PI4KA: variants seen among roughly 807,000 people sequenced by gnomAD.
PI4KA encodes the protein PI4-kinase alpha.
In PI4KA, 122 loss-of-function variants were observed where a neutral mutation model predicts 271.4. The ratio of observed to expected loss-of-function variants is 0.45; its 90% CI spans 0.39 to 0.52. PI4KA has a LOEUF of 0.52. Among genes scored for constraint, PI4KA ranks in the 20% least tolerant of loss-of-function variants. The probability of loss-of-function intolerance (pLI) is 0.00; values close to 1 mark genes in which losing one functional copy is unlikely to be tolerated. For missense variants in PI4KA, 1,969 were observed against 2,769.1 expected (o/e 0.71, Z 6.48); for synonymous variants, 1,041 against 1,078.8 (o/e 0.96, Z 0.69).
intron 25 of PI4KA, among the ~76,000 whole-genome samples, chr22:20,752,038 C>T (rs1265269782): frequency 1.3e-5 from 2 of 152,220 alleles, no homozygotes; most frequent in East Asian, 1.9e-4. Flanking sequence ...CAGGACACCC[C>T]TCACTTTCCA....
intron 3 of PI4KA, among the ~76,000 whole-genome samples, chr22:20,826,821 T>C (rs1923482644): frequency 6.6e-6 from 1 of 152,236 alleles, no homozygotes; most frequent in Non-Finnish European, 1.5e-5. Context: ...GATGAGCATA[T>C]TTTTCATATA....
intron 11 of PI4KA, among the ~76,000 whole-genome samples, 183 bp from the exon 12 acceptor site, chr22:20,804,583 C>T (rs567573226): frequency 1.3e-5 from 2 of 152,304 alleles, no homozygotes; most frequent in East Asian, 1.9e-4. Context: ...TGGCCCTAAG[C>T]CCCCTTGTCC....
At position 20,733,724 on chromosome 22, in the gene PI4KA, T is replaced by C. The variant is rs750437185; in HGVS notation, c.4160+12A>G. On this transcript the variant is annotated intron_variant, in intron 35 of 54. Coordinates refer to ENST00000255882, the MANE Select transcript of PI4KA (RefSeq NM_058004.4). ...GTCCCTGGACGCTGCACAGCACATC[T>C]TGGGGGAGTACCTGAAGTAGTCAAA... is the stretch of plus-strand genomic sequence containing the variant. The C allele has an allele frequency of 2.5e-6, 4 of 1,613,842 alleles. No homozygotes were observed. Among genetic ancestry groups the C allele is most frequent in the South Asian group, 2.2e-5 (2 of 91,066 alleles).
At position 20,720,005 on chromosome 22, in the gene PI4KA, G is replaced by A. The variant is rs1454136105; in HGVS notation, c.5117-1183C>T. ...CGTGCCACTGCACTCCAGCCTGGGC[G>A]ACTAATCAAGACTCTGTCTCAAAAA... is the stretch of plus-strand genomic sequence containing the variant. On this transcript the variant is annotated intron_variant, in intron 43 of 54. Coordinates refer to ENST00000255882, the MANE Select transcript of PI4KA (RefSeq NM_058004.4). Among the ~76,000 whole-genome samples, 14 of 128,184 alleles carry A rather than the reference G, an allele frequency of 1.1e-4. No individual in the cohort carries two copies. In the East Asian group the frequency reaches 1.8e-3, roughly 17 times the overall value. The allele number at this position is 128,184 out of a possible 152,430, so 84.1% of individuals were successfully genotyped here.
intron 14 of PI4KA, among the ~76,000 whole-genome samples, chr22:20,800,178 T>C (rs1014085414): frequency 1.3e-5 from 2 of 152,088 alleles, no homozygotes; most frequent in East Asian, 1.9e-4. Context: ...AGGGGAAAAA[T>C]TTAAAGCCCC....
chr22:20,784,802 GC>G (rs1339692572), intron 19 of PI4KA, among the ~76,000 whole-genome samples: 1 of 152,166 alleles, frequency 6.6e-6, no homozygotes, highest in Non-Finnish European at 1.5e-5. Context: ...TTGGGTCATG[GC>G]AGAAAGAATG....
In PI4KA at chr22:20,711,474, C is replaced by T. The variant is rs750175946; in HGVS notation, c.5803-13G>A. ...AGTTGTAGCGGGCCTGTGCAGAGAG[C>T]GCCCTGGGCTCAAAAAGGCCCTGGG... On this transcript the variant is annotated splice_polypyrimidine_tract_variant and intron_variant, in intron 50 of 54. Coordinates refer to ENST00000255882, the MANE Select transcript of PI4KA (RefSeq NM_058004.4). The T allele has an allele frequency of 6.7e-6, 9 of 1,353,158 alleles. No individual in the cohort carries two copies. The highest frequency in any genetic ancestry group is 7.2e-6 in the Non-Finnish European group (7 of 971,552). 83.8% of individuals were successfully genotyped at this position (1,353,158 alleles called of 1,614,324 possible).
chr22:20,791,245 T>C (rs1394193934), intron 19 of PI4KA, among the ~76,000 whole-genome samples: 1 of 152,244 alleles, frequency 6.6e-6, no homozygotes, highest in Non-Finnish European at 1.5e-5. Context: ...TCAAAGATCC[T>C]GGAACTCACT....
At chr22:20,782,727 C>G (rs1933894252) in intron 19 of PI4KA, among the ~76,000 whole-genome samples, 1 of 152,172 alleles carries the variant, frequency 6.6e-6, no homozygotes, top group Non-Finnish European at 1.5e-5. Context: ...TTACTGGTAT[C>G]TAGAAGGGGG....
chr22:20,748,236 C>T (rs1017722718), intron 28 of PI4KA, among the ~76,000 whole-genome samples: 9 of 152,376 alleles, frequency 5.9e-5, no homozygotes, highest in Admixed American at 5.9e-4. Context: ...CATGCAGTCA[C>T]TGCGGTGTTG....
chr22:20,786,593 A>T (rs982506148), intron 19 of PI4KA, among the ~76,000 whole-genome samples: 1 of 152,216 alleles, frequency 6.6e-6, no homozygotes, highest in African/African-American at 2.4e-5. Context: ...AGTGCGCAGC[A>T]GTGTGGGGAG....
At chr22:20,825,800 G>A (rs776290920) in intron 3 of PI4KA, among the ~76,000 whole-genome samples, 8 of 152,044 alleles carry the variant, frequency 5.3e-5, no homozygotes, top group Non-Finnish European at 8.8e-5. Context: ...GCATGTTACG[G>A]GGGTTTGGTG....
chr22:20,763,715 C>T (rs1025911384), intron 22 of PI4KA, among the ~76,000 whole-genome samples: 1 of 152,200 alleles, frequency 6.6e-6, no homozygotes, highest in Non-Finnish European at 1.5e-5. Context: ...GCTGGGGTTA[C>T]AGGTGTGAGC....
chr22:20,759,342 C>A (rs1051755245), intron 23 of PI4KA, among the ~76,000 whole-genome samples: 9 of 151,850 alleles, frequency 5.9e-5, no homozygotes, highest in Admixed American at 5.9e-4. Flanking sequence ...CTGCACCTGG[C>A]CTGGGGTGAT....
At chr22:20,717,061 C>T (rs1267374482) in intron 45 of PI4KA, among the ~76,000 whole-genome samples, 10 of 152,096 alleles carry the variant, frequency 6.6e-5, no homozygotes, top group Admixed American at 2.0e-4. Context: ...CTGGCTAACA[C>T]GGTGAAACTC....
rs1454411590 is a variant in PI4KA at position 20,769,109 on chromosome 22, T to C, written c.2329-3416A>G. On this transcript the variant is annotated intron_variant, in intron 19 of 54. Transcript: ENST00000255882. ...TATGGAAAGGGTTGCGCTTCTAGAA[T>C]GCTTCCCTCTCAATGAGAACAGTAG... is the stretch of plus-strand genomic sequence containing the variant. 2.0e-5 allele frequency among the ~76,000 whole-genome samples: 3 copies of C among 152,212 alleles called. 1 individual carries two copies. Among genetic ancestry groups the C allele is most frequent in the Non-Finnish European group, 4.4e-5 (3 of 68,028 alleles).
At position 20,730,019 on chromosome 22, in the gene PI4KA, C is replaced by T. The variant is rs772347288; in HGVS notation, c.4289-8G>A. 21 of 1,613,702 alleles carry T rather than the reference C, an allele frequency of 1.3e-5. No homozygotes were observed. Among genetic ancestry groups the T allele is most frequent in the Admixed American group, 3.3e-5 (2 of 59,946 alleles). On this transcript the variant is annotated splice_region_variant and splice_polypyrimidine_tract_variant and intron_variant, in intron 36 of 54. Coordinates refer to ENST00000255882, the MANE Select transcript of PI4KA (RefSeq NM_058004.4). ...TCCGGGTGTCCTGATTATCTGAGGG[C>T]AAACACATTGTTGATTCTAGAGTGA...
intron 42 of PI4KA, among the ~76,000 whole-genome samples, chr22:20,723,424 G>T (rs1926978529): frequency 6.6e-6 from 1 of 152,092 alleles, no homozygotes. Context: ...CAGGCTGGGT[G>T]TGGTGGCACA....
At position 20,825,069 on chromosome 22, in the gene PI4KA, C is replaced by CAAAA. The variant is rs362248; in HGVS notation, c.368-659_368-656dup. Reference sequence around the variant, plus strand: ...TGGGTGACAGAATGAGACGCCATCTCAAAAAAAAAAAAAAAAATCAATTTT... The same window carrying CAAAA: ...TGGGTGACAGAATGAGACGCCATCTCAAAAAAAAAAAAAAAAAAAAATCAATTTT... On this transcript the variant is annotated intron_variant, in intron 3 of 54. Transcript: ENST00000255882. Among the ~76,000 whole-genome samples, 45 of 76,890 alleles carry CAAAA rather than the reference C, an allele frequency of 5.9e-4. 3 individuals are homozygous for CAAAA. The highest frequency in any genetic ancestry group is 1.7e-3 in the African/African-American group (31 of 17,826). 50.4% of individuals were successfully genotyped at this position (76,890 alleles called of 152,430 possible).
Sources: allele counts gnomAD v4.1 joint callset (sites outside exome capture counted in the v4.1 genomes callset), GRCh38; gene constraint gnomAD v4.1.1; transcripts MANE v1.5; gene names NCBI Gene and HGNC (gene_info 2026-07-23, HGNC 2026-07-21).